Variants in BAHCC1 observed in about 807,000 individuals in gnomAD.
BAHCC1 encodes the protein BAH domain and coiled-coil containing 1.
Under a neutral mutation model 88.2 loss-of-function variants are expected in BAHCC1, and 43 were observed. The observed-to-expected ratio is 0.49, with a 90% confidence interval of 0.38 to 0.63. The LOEUF (loss-of-function observed/expected upper bound fraction) is 0.63. Among genes scored for constraint, BAHCC1 ranks in the 20% least tolerant of loss-of-function variants. The pLI is 0.00. For synonymous variants in BAHCC1, 1,510 were observed against 745.5 expected, an observed-to-expected ratio of 2.03 and a Z score of -16.71; for missense variants, 3,023 against 1,654.8, an observed-to-expected ratio of 1.83 and a Z score of -14.34.
intron 2 of BAHCC1, among the ~76,000 whole-genome samples, chr17:81,425,691 T>TGGTGATAGTGGTG (rs1568007765): frequency 0.013 from 147 of 11,464 alleles, no homozygotes; most frequent in South Asian, 0.018. Flanking sequence ...ATGTGGTTGG[T>TGGTGATAGTGGTG]GGCGATGTGG....
At chr17:81,457,099 G>A (rs2064763515) in intron 16 of BAHCC1, among the ~76,000 whole-genome samples, 2 of 152,182 alleles carry the variant, frequency 1.3e-5, no homozygotes, top group African/African-American at 4.8e-5. Flanking sequence ...GGGCCATCTG[G>A]GCGGAGGACA....
At chr17:81,445,911 G>A (rs891252635) in intron 10 of BAHCC1, among the ~76,000 whole-genome samples, 11 of 152,264 alleles carry the variant, frequency 7.2e-5, no homozygotes, top group South Asian at 2.1e-4. Flanking sequence ...GTGGGCTGAC[G>A]AAGGCGGGAG....
chr17:81,440,010 T>A (rs4969441), intron 4 of BAHCC1, among the ~76,000 whole-genome samples: 91,930 of 152,090 alleles, frequency 0.6, 29,264 homozygotes, highest in African/African-American at 0.73. Flanking sequence ...GGCCTTGCCC[T>A]TGTCAGCCAG....
intron 4 of BAHCC1, 33 bp from the exon 5 acceptor site, chr17:81,441,798 G>A (rs782692718): frequency 1.9e-5 from 11 of 568,456 alleles, no homozygotes; most frequent in Non-Finnish European, 2.9e-5. Context: ...CACCCCTAAG[G>A]CCTCCCATTG....
At chr17:81,449,196 C>T (rs1185339790) in intron 11 of BAHCC1, among the ~76,000 whole-genome samples, 1 of 152,168 alleles carries the variant, frequency 6.6e-6, no homozygotes, top group Non-Finnish European at 1.5e-5. Context: ...CCGGCCAGGC[C>T]AGGTGTCCCA....
intron 3 of BAHCC1, among the ~76,000 whole-genome samples, chr17:81,429,483 C>T (rs2064236312): frequency 6.6e-6 from 1 of 152,222 alleles, no homozygotes; most frequent in Non-Finnish European, 1.5e-5. Context: ...GGCCGGCGGG[C>T]CAGGGTGAGA....
rs1378623488 is a variant in BAHCC1 at position 81,461,919 on chromosome 17, C to T, written c.7256C>T (p.Ala2419Val). The T allele has an allele frequency of 1.2e-5, 9 of 751,380 alleles. No homozygotes were observed. Among genetic ancestry groups the T allele is most frequent in the Admixed American group, 7.3e-5 (4 of 54,608 alleles). 46.5% of individuals were successfully genotyped at this position (751,380 alleles called of 1,614,324 possible). ...SSKSKLKRKE[A>V]LSFSKAKELS... ...AAATCCAAGCTCAAGCGCAAAGAGG[C>T]CCTGAGCTTCTCCAAAGCCAAAGAG... Residue 2419 changes from alanine (A) to valine (V), a missense_variant, in exon 26 of 28, where the codon GCC becomes GTC. Ala to Val is a moderately conservative substitution (Grantham distance 64). Transcript: ENST00000675386.
At chr17:81,453,957 C>T (rs1350393833) in intron 14 of BAHCC1, among the ~76,000 whole-genome samples, 4 of 152,266 alleles carry the variant, frequency 2.6e-5, no homozygotes, top group African/African-American at 9.6e-5. Flanking sequence ...CTCAGAAGCC[C>T]AGCCTCCTCT....
rs564432457 is a variant in BAHCC1, at chr17:81,442,808, G to A, written c.1459G>A (p.Gly487Ser). Residue 487 changes from glycine to serine, a missense_variant, in exon 5 of 28, where the codon GGT becomes AGT. Physicochemically the swap from Gly to Ser is moderately conservative, Grantham distance 56. Coordinates refer to ENST00000675386, the MANE Select transcript of BAHCC1 (RefSeq NM_001377448.1). The part of the protein sequence containing the change: ...EASFPGLPKS[G>S]LDKSGYFELP... ...CTCCTTCCCCGGACTCCCTAAAAGCGGTCTGGACAAAAGCGGCTACTTCGA... is the reference window on the plus strand; with the variant it reads ...CTCCTTCCCCGGACTCCCTAAAAGCAGTCTGGACAAAAGCGGCTACTTCGA... The A allele has an allele frequency of 7.6e-5, 59 of 779,596 alleles. No homozygotes were observed. The highest frequency in any genetic ancestry group is 5.8e-4 in the South Asian group (43 of 74,628). 48.3% of individuals were successfully genotyped at this position (779,596 alleles called of 1,614,324 possible).
At chr17:81,428,167 C>G (rs1418389469) in intron 3 of BAHCC1, among the ~76,000 whole-genome samples, 2 of 152,190 alleles carry the variant, frequency 1.3e-5, no homozygotes, top group African/African-American at 4.8e-5. Flanking sequence ...CTTCCTCCCA[C>G]CCCTGCACTA....
chr17:81,428,025 G>A (rs1283381216), intron 3 of BAHCC1, among the ~76,000 whole-genome samples: 2 of 152,216 alleles, frequency 1.3e-5, no homozygotes, highest in African/African-American at 4.8e-5. Context: ...TGGGCTTTCG[G>A]CTCAGGGCGC....
intron 2 of BAHCC1, among the ~76,000 whole-genome samples, chr17:81,400,415 C>G (rs2063800734): frequency 6.6e-6 from 1 of 152,054 alleles, no homozygotes; most frequent in African/African-American, 2.4e-5. Context: ...TGGTGTAAGA[C>G]GAGCAAATCC....
chr17:81,444,405 C>T lies in BAHCC1; in HGVS notation c.2349C>T (p.Phe783=), dbSNP rs561799959. The part of the protein sequence containing the change: ...LLQDSKDRVE[F]ARIHPPSSCP... Reference sequence around the variant, plus strand: ...GGGACAGCAAAGACCGCGTAGAGTTCGCCCGGATCCACCCACCGAGCAGCT... The same window carrying T: ...GGGACAGCAAAGACCGCGTAGAGTTTGCCCGGATCCACCCACCGAGCAGCT... The change falls in exon 7 of 28, where the codon TTC becomes TTT. Residue 783 remains phenylalanine, a synonymous_variant. Coordinates refer to ENST00000675386, the MANE Select transcript of BAHCC1 (RefSeq NM_001377448.1). 13 of 747,926 alleles carry T rather than the reference C, an allele frequency of 1.7e-5. No homozygotes were observed. The highest frequency in any genetic ancestry group is 2.3e-4 in the Middle Eastern group (1 of 4,356). The allele number at this position is 747,926 out of a possible 1,614,324, so 46.3% of individuals were successfully genotyped here. A position where few individuals can be genotyped will look rare whatever the true frequency, so the allele number is the denominator to read the frequency against.
chr17:81,403,978 G>C (rs966979113), intron 2 of BAHCC1, among the ~76,000 whole-genome samples: 1 of 152,260 alleles, frequency 6.6e-6, no homozygotes, highest in Non-Finnish European at 1.5e-5. Context: ...GGTCACGTGA[G>C]TAATAAGGCA....
At position 81,461,071 on chromosome 17, in the gene BAHCC1, G is replaced by C. The variant is rs1253272286; in HGVS notation, c.6408G>C (p.Glu2136Asp). The change falls in exon 26 of 28, where the codon GAG (glutamate) becomes GAC (aspartate). Residue 2136 changes from glutamate (E) to aspartate (D), a missense_variant. Coordinates refer to ENST00000675386, the MANE Select transcript of BAHCC1 (RefSeq NM_001377448.1). ...NGSSKKLRAR[E>D]ALFPVHSVAT... Reference sequence around the variant, plus strand: ...GCAGCAAGAAGCTGCGGGCCCGCGAGGCCCTGTTCCCCGTGCACAGCGTGG... The same window carrying C: ...GCAGCAAGAAGCTGCGGGCCCGCGACGCCCTGTTCCCCGTGCACAGCGTGG... 3 of 770,240 alleles carry C rather than the reference G, an allele frequency of 3.9e-6. No homozygotes were observed. The highest frequency in any genetic ancestry group is 7.2e-6 in the Non-Finnish European group (3 of 416,994). The allele number at this position is 770,240 out of a possible 1,614,324, so 47.7% of individuals were successfully genotyped here.
chr17:81,423,672 T>G (rs1555649882), intron 2 of BAHCC1, among the ~76,000 whole-genome samples: 1 of 152,186 alleles, frequency 6.6e-6, no homozygotes, highest in Non-Finnish European at 1.5e-5. Context: ...AGTGACAGCC[T>G]CAGACCACCC....
At chr17:81,400,500 C>G (rs11649911) in intron 2 of BAHCC1, among the ~76,000 whole-genome samples, 14 of 152,330 alleles carry the variant, frequency 9.2e-5, no homozygotes, top group African/African-American at 3.1e-4. Flanking sequence ...ACGAGTGCCT[C>G]TGGTATCCCG....
At chr17:81,410,443 G>A (rs2063935634) in intron 2 of BAHCC1, among the ~76,000 whole-genome samples, 1 of 152,240 alleles carries the variant, frequency 6.6e-6, no homozygotes, top group African/African-American at 2.4e-5. Context: ...CCCTGGCACG[G>A]GGGTCCAGCT....
chr17:81,409,553 C>T (rs996117340), intron 2 of BAHCC1, among the ~76,000 whole-genome samples: 17 of 152,150 alleles, frequency 1.1e-4, no homozygotes, highest in Admixed American at 4.6e-4. Flanking sequence ...ATTGTCCACG[C>T]GGGGTCGCGG....
Sources: gnomAD v4.1 joint callset for allele counts (sites outside exome capture counted in the v4.1 genomes callset) on GRCh38, gnomAD v4.1.1 for gene constraint, MANE v1.5 for transcripts, NCBI Gene and HGNC (gene_info 2026-07-23, HGNC 2026-07-21) for gene names.